DIAPH1: variants seen among roughly 807,000 people sequenced by gnomAD.
The protein encoded by DIAPH1 is diaphanous related formin 1, also known as protein diaphanous homolog 1.
In DIAPH1, 46 loss-of-function variants were observed where a neutral mutation model predicts 140.7. The ratio of observed to expected loss-of-function variants is 0.33; its 90% CI spans 0.26 to 0.42. DIAPH1 has a LOEUF of 0.42. DIAPH1 is among the 10% of genes least tolerant of loss of function. DIAPH1 has a pLI of 1.00. For missense variants in DIAPH1, 1,310 were observed against 1,558.7 expected (o/e 0.84, Z 2.69); for synonymous variants, 565 against 551.6 (o/e 1.02, Z -0.34).
At chr5:141,540,993 G>A (rs1244843285) in intron 18 of DIAPH1, among the ~76,000 whole-genome samples, 1 of 152,118 alleles carries the variant, frequency 6.6e-6, no homozygotes, top group Non-Finnish European at 1.5e-5. Flanking sequence ...CCGGGAGGGG[G>A]AAGTTGCAAT....
intron 1 of DIAPH1, among the ~76,000 whole-genome samples, chr5:141,589,807 C>CG (rs2099898118): frequency 6.6e-6 from 1 of 152,064 alleles, no homozygotes; most frequent in Non-Finnish European, 1.5e-5. Context: ...CTCCTGCCCC[C>CG]CCAAAAAAGT....
intron 18 of DIAPH1, among the ~76,000 whole-genome samples, chr5:141,546,458 C>T (rs1318465615): frequency 3.9e-5 from 6 of 151,984 alleles, no homozygotes; most frequent in Non-Finnish European, 8.8e-5. Flanking sequence ...GAGTTCAAGA[C>T]CAGCCTGCCC....
Position 141,573,608 on chromosome 5 carries a change from G to T in DIAPH1, c.2242C>A (p.Pro748Thr), listed in dbSNP as rs760810515. 55 of 1,613,970 alleles carry T rather than the reference G, an allele frequency of 3.4e-5. No individual in the cohort carries two copies. The highest frequency in any genetic ancestry group is 4.5e-5 in the Non-Finnish European group (53 of 1,179,988). ...IPPPPPGMGM[P>T]PPPPFGFGVP... ...CCAAATCCAAATGGGGGAGGTGGAG[G>T]CATACCCATTCCGGGTGGAGGTGGA... The change falls in exon 16 of 28, where the codon CCT becomes ACT. Residue 748 changes from proline (P) to threonine (T), a missense_variant. By Grantham distance (38) the Pro-to-Thr change is conservative. Transcript: ENST00000389054.
In DIAPH1 at chr5:141,516,740, T is replaced by C; in HGVS notation, c.*111A>G. 1.7e-6 allele frequency: 2 copies of C among 1,148,874 alleles called. No individual in the cohort carries two copies. Among genetic ancestry groups the C allele is most frequent in the Non-Finnish European group, 2.6e-6 (2 of 778,762 alleles). The allele number at this position is 1,148,874 out of a possible 1,614,324, so 71.2% of individuals were successfully genotyped here. ...GCCAGAGAGAAAGACAGGGTCAGGG[T>C]GGTGGGAGTGGCCACCCCAGAGGAA... On this transcript the variant is annotated 3_prime_UTR_variant, in exon 28 of 28. Transcript: ENST00000389054.
intron 4 of DIAPH1, 149 bp from the exon 5 acceptor site, chr5:141,583,764 C>T: frequency 8.8e-7 from 1 of 1,136,954 alleles, no homozygotes; most frequent in Non-Finnish European, 1.3e-6. Flanking sequence ...TGATTTCAAA[C>T]TCCTGGGCTC....
intron 1 of DIAPH1, among the ~76,000 whole-genome samples, chr5:141,609,336 A>T (rs1311694286): frequency 2.6e-5 from 4 of 152,222 alleles, no homozygotes; most frequent in East Asian, 1.9e-4. Context: ...AGAAATTCCT[A>T]GCAGTGAATA....
chr5:141,618,730 G>T, intron 1 of DIAPH1, 68 bp downstream of exon 1: 1 of 1,193,188 alleles, frequency 8.4e-7, no homozygotes, highest in Non-Finnish European at 1.2e-6. Context: ...GGCGCCCCAG[G>T]GGCCGGCTGC....
At chr5:141,584,753 A>C (rs1313824932) in intron 3 of DIAPH1, among the ~76,000 whole-genome samples, 1 of 152,224 alleles carries the variant, frequency 6.6e-6, no homozygotes, top group Non-Finnish European at 1.5e-5. Context: ...ACATAATCTG[A>C]TGTATGTTTG....
At position 141,565,686 on chromosome 5, in the gene DIAPH1, A is replaced by T. The variant is rs766499671; in HGVS notation, c.2482+5742T>A. 6.6e-6 allele frequency among the ~76,000 whole-genome samples: 1 copy of T among 152,210 alleles called. No homozygotes were observed. The highest frequency in any genetic ancestry group is 2.4e-5 in the African/African-American group (1 of 41,450). The stretch of plus-strand genomic sequence containing the variant: ...GTTTGGGCTGTTGAGGAGGAAAAAA[A>T]GGTGTGAAATAACCTTTAGGAGAGC... On this transcript the variant is annotated intron_variant, in intron 18 of 27. Coordinates refer to ENST00000389054, the MANE Select transcript of DIAPH1 (RefSeq NM_005219.5). This position sits in a 1 kb window ranked among gnomAD's most constrained non-coding sequence, Gnocchi z 4.3.
intron 6 of DIAPH1, 29 bp from the exon 7 acceptor site, chr5:141,582,404 T>C: frequency 6.6e-7 from 1 of 1,512,516 alleles, no homozygotes; most frequent in Non-Finnish European, 9.2e-7. Flanking sequence ...ATCAGTGAGG[T>C]CCCTTTATTC....
chr5:141,618,730 G>C, intron 1 of DIAPH1, 68 bp downstream of exon 1: 1 of 1,193,190 alleles, frequency 8.4e-7, no homozygotes, highest in Non-Finnish European at 1.2e-6. Flanking sequence ...GGCGCCCCAG[G>C]GGCCGGCTGC....
At chr5:141,557,140 A>T (rs1562307516) in intron 18 of DIAPH1, among the ~76,000 whole-genome samples, 1 of 152,250 alleles carries the variant, frequency 6.6e-6, no homozygotes. Flanking sequence ...ATTAAAAAAA[A>T]CAACTATCAT....
chr5:141,529,551 G>C, intron 20 of DIAPH1, 52 bp downstream of exon 20: 1 of 1,409,032 alleles, frequency 7.1e-7, no homozygotes, highest in Non-Finnish European at 1.0e-6. Context: ...GATGAGGCCA[G>C]TGCCCAGCGA....
intron 1 of DIAPH1, among the ~76,000 whole-genome samples, chr5:141,604,467 A>G (rs1023333544): frequency 6.6e-6 from 1 of 152,082 alleles, no homozygotes; most frequent in African/African-American, 2.4e-5. Context: ...ATAGTCAGTG[A>G]CTCAGGAATG....
intron 2 of DIAPH1, 113 bp from the exon 3 acceptor site, chr5:141,587,310 C>G: frequency 9.5e-7 from 1 of 1,047,792 alleles, no homozygotes. Flanking sequence ...CTCTGGTTCA[C>G]AAGCAGTTCA....
intron 1 of DIAPH1, among the ~76,000 whole-genome samples, chr5:141,612,376 T>C (rs189241762): frequency 4.3e-4 from 66 of 152,294 alleles, no homozygotes; most frequent in African/African-American, 1.6e-3. Flanking sequence ...AGACAAAAAC[T>C]GCACTCCCAA....
chr5:141,524,564 G>C, intron 26 of DIAPH1: 1 of 388,568 alleles, frequency 2.6e-6, no homozygotes, highest in Non-Finnish European at 4.9e-6. Context: ...TAGAGACTAC[G>C]ATTGTGAAAT....
chr5:141,553,357 C>A (rs9324853), intron 18 of DIAPH1, among the ~76,000 whole-genome samples: 1 of 148,970 alleles, frequency 6.7e-6, no homozygotes, highest in East Asian at 2.0e-4. Context: ...AAAACAGTCT[C>A]GGCCGGGCAT....
intron 18 of DIAPH1, among the ~76,000 whole-genome samples, chr5:141,545,870 T>C (rs962902880): frequency 6.6e-6 from 1 of 152,202 alleles, no homozygotes; most frequent in African/African-American, 2.4e-5. Flanking sequence ...TAACAAAACA[T>C]GTTGGCCGTA....
Sources: gnomAD v4.1 joint callset for allele counts (sites outside exome capture counted in the v4.1 genomes callset) on GRCh38, gnomAD v4.1.1 for gene constraint, Gnocchi (gnomAD v3.1) non-coding constraint, MANE v1.5 for transcripts, NCBI Gene and HGNC (gene_info 2026-07-23, HGNC 2026-07-21) for gene names.